The following HERC2 variants were observed in gnomAD, a reference collection of about 807,000 sequenced individuals.
HERC2 encodes HECT and RLD domain containing E3 ubiquitin protein ligase 2.
A neutral mutation model predicts 537.7 loss-of-function variants in HERC2; 102 were observed. That is an observed-to-expected ratio of 0.19 (90% CI 0.16 to 0.22). The LOEUF (loss-of-function observed/expected upper bound fraction) is 0.22, where lower values mean the gene tolerates loss of function less well. Among genes scored for constraint, HERC2 ranks in the 10% least tolerant of loss-of-function variants. The pLI is 1.00. For synonymous variants in HERC2, 2,224 were observed against 2,466.2 expected (o/e 0.90, Z 2.91); for missense variants, 4,236 against 6,198.2 (o/e 0.68, Z 10.63).
chr15:28,218,340 A>G, intron 38 of HERC2, 149 bp downstream of exon 38: 1 of 697,114 alleles, frequency 1.4e-6, no homozygotes, highest in South Asian at 1.8e-5. Context: ...GAGAATTTCT[A>G]CTGTGTAAGC....
chr15:28,248,838 T>C (rs1280960791), intron 20 of HERC2, 102 bp from the exon 21 acceptor site: 3 of 901,398 alleles, frequency 3.3e-6, no homozygotes, highest in Non-Finnish European at 5.0e-6. Context: ...CAAACACAGA[T>C]CATACATGAT....
Position 28,143,287 on chromosome 15 carries a change from G to GGGA in HERC2, c.11419-338_11419-336dup, listed in dbSNP as rs773598493. Among the ~76,000 whole-genome samples, 6 of 152,162 alleles carry GGGA rather than the reference G, an allele frequency of 3.9e-5. No homozygotes were observed. In the East Asian group the frequency reaches 9.7e-4, roughly 25 times the overall value. ...GACTACTTTAGTCAGCAAAATAAAGGGGAGGCCAATCAGTTAGCCTCATTG... is the reference window on the plus strand; with the variant it reads ...GACTACTTTAGTCAGCAAAATAAAGGGGAGGAGGCCAATCAGTTAGCCTCATTG... On this transcript the variant is annotated intron_variant, in intron 74 of 92. Transcript: ENST00000261609.
chr15:28,199,103 C>A (rs1385587867), intron 48 of HERC2, among the ~76,000 whole-genome samples: 2 of 151,790 alleles, frequency 1.3e-5, no homozygotes, highest in Non-Finnish European at 2.9e-5. Context: ...GCCAAGATCA[C>A]ACAACTGCAC....
Position 28,306,495 on chromosome 15 carries a change from G to A in HERC2, c.73-6979C>T, listed in dbSNP as rs569778840. On this transcript the variant is annotated intron_variant, in intron 2 of 92. Transcript: ENST00000261609. ...TGCTGGTATTTTGTTGGGTATTTCC[G>A]CATCAATGTTCATCTGGGATACTGG... Among the ~76,000 whole-genome samples, 19 of 152,262 alleles carry A rather than the reference G, an allele frequency of 1.2e-4. No individual in the cohort carries two copies. In the South Asian group the frequency reaches 2.9e-3, roughly 23 times the overall value.
At chr15:28,272,011 TGAC>T in intron 9 of HERC2, 1 of 557,554 alleles carries the variant, frequency 1.8e-6, no homozygotes, top group Non-Finnish European at 3.1e-6. Flanking sequence ...GGTTTTGTGC[TGAC>T]AAGGAAGTCA....
intron 78 of HERC2, among the ~76,000 whole-genome samples, chr15:28,137,614 G>A (rs955163325): frequency 3.9e-5 from 6 of 152,156 alleles, no homozygotes; most frequent in East Asian, 1.9e-4. Context: ...CATAGAAGAC[G>A]GTGAACTTAA....
intron 18 of HERC2, 25 bp downstream of exon 18, chr15:28,256,064 T>C (rs778518891): frequency 6.2e-7 from 1 of 1,603,624 alleles, no homozygotes; most frequent in South Asian, 1.1e-5. Context: ...ACCCATGCCC[T>C]CTCCTGTTCC....
intron 43 of HERC2, among the ~76,000 whole-genome samples, chr15:28,211,490 T>C (rs990126824): frequency 6.6e-6 from 1 of 152,150 alleles, no homozygotes; most frequent in African/African-American, 2.4e-5. Flanking sequence ...ACTCTTCTTC[T>C]AAGACTCCTC....
intron 4 of HERC2, among the ~76,000 whole-genome samples, chr15:28,290,191 A>G (rs1407954670): frequency 6.6e-6 from 1 of 152,132 alleles, no homozygotes; most frequent in Admixed American, 6.6e-5. Flanking sequence ...TGTTAGTTCA[A>G]CTCCTCTCCT....
intron 40 of HERC2, 22 bp from the exon 41 acceptor site, chr15:28,214,294 A>C (rs2140446404): frequency 6.3e-7 from 1 of 1,598,870 alleles, no homozygotes; most frequent in South Asian, 1.1e-5. Context: ...ACCAGGGGAG[A>C]AGCTGCTGCA....
chr15:28,307,117 G>A (rs554016897), intron 2 of HERC2, among the ~76,000 whole-genome samples: 1 of 152,378 alleles, frequency 6.6e-6, no homozygotes, highest in Non-Finnish European at 1.5e-5. Flanking sequence ...TTACAGGCAT[G>A]AGCCACCACG....
intron 69 of HERC2, 44 bp downstream of exon 69, chr15:28,163,050 T>G: frequency 6.6e-7 from 1 of 1,519,540 alleles, no homozygotes; most frequent in Non-Finnish European, 9.0e-7. Flanking sequence ...TGGCCCAACA[T>G]GGAGGAGGTG....
chr15:28,169,697 A>C (rs1001993768), intron 65 of HERC2, 42 bp from the exon 66 acceptor site: 1 of 1,568,978 alleles, frequency 6.4e-7, no homozygotes, highest in Non-Finnish European at 8.7e-7. Context: ...TTAAAATCAC[A>C]GTTTGATCTA....
In HERC2 at chr15:28,147,509, C is replaced by T. The variant is rs796687001; in HGVS notation, c.10901-1165G>A. On this transcript the variant is annotated intron_variant, in intron 70 of 92. Transcript: ENST00000261609. ...TAAAATTTTAAAAATTAGCTGGGCA[C>T]GGCCTATAGTCCCAGTTACTCAGGA... 5.3e-5 allele frequency among the ~76,000 whole-genome samples: 8 copies of T among 151,644 alleles called. No homozygotes were observed. In the South Asian group the frequency reaches 1.3e-3, roughly 24 times the overall value.
intron 5 of HERC2, among the ~76,000 whole-genome samples, chr15:28,277,623 T>C (rs535948380): frequency 6.6e-6 from 1 of 152,164 alleles, no homozygotes; most frequent in Non-Finnish European, 1.5e-5. Flanking sequence ...GGAATTCAGT[T>C]TGATTCGACA....
chr15:28,286,996 C>T (rs1489221889), intron 4 of HERC2, among the ~76,000 whole-genome samples: 2 of 152,076 alleles, frequency 1.3e-5, no homozygotes, highest in Admixed American at 6.5e-5. Context: ...GGTGATAAAG[C>T]ACGTGGGATA....
chr15:28,217,267 T>C (rs1188377887), intron 38 of HERC2, among the ~76,000 whole-genome samples: 4 of 152,082 alleles, frequency 2.6e-5, no homozygotes, highest in South Asian at 2.1e-4. Context: ...ACTGGCTCAA[T>C]GCACTGACGC....
chr15:28,297,767 T>C (rs3881392), intron 3 of HERC2, among the ~76,000 whole-genome samples: 1,887 of 150,398 alleles, frequency 0.013, 2 homozygotes, highest in African/African-American at 0.044. Context: ...GTGGGTTACA[T>C]GGGTTACATT....
chr15:28,317,391 A>G (rs1219635058), intron 2 of HERC2, among the ~76,000 whole-genome samples: 2 of 152,200 alleles, frequency 1.3e-5, no homozygotes, highest in African/African-American at 4.8e-5. Flanking sequence ...GCCCAGCCGA[A>G]GTGACAATAT....
Sources: gnomAD v4.1 joint callset for allele counts (sites outside exome capture counted in the v4.1 genomes callset) on GRCh38, gnomAD v4.1.1 for gene constraint, MANE v1.5 for transcripts, NCBI Gene and HGNC (gene_info 2026-07-23, HGNC 2026-07-21) for gene names.